Variants in TBC1D12 observed in about 807,000 individuals in gnomAD.
The protein encoded by TBC1D12 is TBC1 domain family, member 12.
A neutral mutation model predicts 86.7 loss-of-function variants in TBC1D12; 56 were observed. The ratio of observed to expected loss-of-function variants is 0.65; its 90% CI spans 0.52 to 0.81. TBC1D12 has a LOEUF of 0.81. Among genes scored for constraint, TBC1D12 ranks in the 30% least tolerant of loss-of-function variants. TBC1D12 has a pLI of 0.00. For missense variants in TBC1D12, 1,023 were observed against 1,038.8 expected (o/e 0.98, Z 0.21); for synonymous variants, 421 against 411.7 (o/e 1.02, Z -0.27).
At chr10:94,458,252 G>A (rs571743807) in intron 2 of TBC1D12, among the ~76,000 whole-genome samples, 15 of 152,146 alleles carry the variant, frequency 9.9e-5, no homozygotes, top group Admixed American at 2.0e-4. Flanking sequence ...TTTATAAGAA[G>A]AGGAAAGCAA....
chr10:94,437,633 C>T (rs1026253173), intron 1 of TBC1D12, among the ~76,000 whole-genome samples: 2 of 152,016 alleles, frequency 1.3e-5, no homozygotes, highest in Admixed American at 6.6e-5. Context: ...TTGTCTTTCC[C>T]TTCTCCTTGG....
chr10:94,488,906 C>A (rs961696100), intron 3 of TBC1D12, among the ~76,000 whole-genome samples: 1 of 151,350 alleles, frequency 6.6e-6, no homozygotes, highest in African/African-American at 2.5e-5. Context: ...CCTTCTTTCT[C>A]CTCTCCTCAA....
chr10:94,432,250 A>G (rs1280808527), intron 1 of TBC1D12, among the ~76,000 whole-genome samples: 1 of 152,126 alleles, frequency 6.6e-6, no homozygotes, highest in Non-Finnish European at 1.5e-5. Context: ...CTAACAGTAG[A>G]TCGCGAGACA....
intron 1 of TBC1D12, among the ~76,000 whole-genome samples, chr10:94,417,470 A>G (rs2055014237): frequency 6.6e-6 from 1 of 152,238 alleles, no homozygotes; most frequent in African/African-American, 2.4e-5. Context: ...TATGCTTACC[A>G]TATTTTGTAA....
intron 1 of TBC1D12, among the ~76,000 whole-genome samples, chr10:94,429,993 C>T (rs532742681): frequency 5.9e-5 from 9 of 152,304 alleles, no homozygotes; most frequent in African/African-American, 2.2e-4. Context: ...GCCTTGGCCT[C>T]TCAAAGTGCT....
At chr10:94,459,592 G>C (rs185169265) in intron 2 of TBC1D12, among the ~76,000 whole-genome samples, 10 of 152,332 alleles carry the variant, frequency 6.6e-5, no homozygotes, top group Admixed American at 6.5e-4. Flanking sequence ...CCCACCAGGG[G>C]GGTTGGGGGG....
chr10:94,498,773 G>GT (rs1490044016), intron 5 of TBC1D12, among the ~76,000 whole-genome samples: 2 of 150,626 alleles, frequency 1.3e-5, no homozygotes, highest in African/African-American at 4.9e-5. Flanking sequence ...GTTTTTTGAG[G>GT]GTTTTTTTTT....
chr10:94,403,669 G>A, intron 1 of TBC1D12, 85 bp downstream of exon 1: 1 of 1,387,886 alleles, frequency 7.2e-7, no homozygotes, highest in Non-Finnish European at 9.3e-7. Flanking sequence ...AGCCGGAGCC[G>A]GAGCCGGAGC....
At chr10:94,430,262 T>C (rs1251307858) in intron 1 of TBC1D12, among the ~76,000 whole-genome samples, 1 of 152,208 alleles carries the variant, frequency 6.6e-6, no homozygotes, top group Non-Finnish European at 1.5e-5. Flanking sequence ...AATAGTCAAA[T>C]TGATGTAAAT....
chr10:94,429,019 TAATAAA>T (rs1427231041), intron 1 of TBC1D12, among the ~76,000 whole-genome samples: 1 of 152,178 alleles, frequency 6.6e-6, no homozygotes, highest in East Asian at 1.9e-4. Flanking sequence ...GATTGACTCT[TAATAAA>T]GAACTCTGAC....
At chr10:94,480,095 G>A (rs2056054337) in intron 3 of TBC1D12, among the ~76,000 whole-genome samples, 1 of 152,138 alleles carries the variant, frequency 6.6e-6, no homozygotes, top group African/African-American at 2.4e-5. Context: ...GTAACATTTT[G>A]GGTCTCTTGC....
intron 3 of TBC1D12, among the ~76,000 whole-genome samples, chr10:94,485,718 T>G (rs1161629208): frequency 6.6e-6 from 1 of 152,070 alleles, no homozygotes; most frequent in African/African-American, 2.4e-5. Flanking sequence ...AGTGAAGTCA[T>G]CAGGTCTTGG....
chr10:94,407,036 A>AATCT (rs2054862649), intron 1 of TBC1D12, among the ~76,000 whole-genome samples: 1 of 151,028 alleles, frequency 6.6e-6, no homozygotes, highest in South Asian at 2.1e-4. Flanking sequence ...ATTAGGCAAA[A>AATCT]ATCTATACGA....
chr10:94,446,121 G>T (rs543738048), intron 2 of TBC1D12, among the ~76,000 whole-genome samples: 2 of 152,116 alleles, frequency 1.3e-5, no homozygotes, highest in East Asian at 3.9e-4. Context: ...TATAGTAATG[G>T]TAAATTTACA....
chr10:94,505,287 A>G (rs192119680), intron 6 of TBC1D12, among the ~76,000 whole-genome samples: 8 of 152,324 alleles, frequency 5.3e-5, no homozygotes, highest in African/African-American at 1.9e-4. Flanking sequence ...GGCATAAATA[A>G]TAGGAATTTT....
chr10:94,433,830 AT>A (rs573466107), intron 1 of TBC1D12, among the ~76,000 whole-genome samples: 37 of 152,254 alleles, frequency 2.4e-4, no homozygotes, highest in Admixed American at 4.6e-4. Flanking sequence ...TGCTTTAATA[AT>A]TTATACATGT....
intron 2 of TBC1D12, among the ~76,000 whole-genome samples, chr10:94,443,868 T>C (rs1298080590): frequency 2.0e-5 from 3 of 152,172 alleles, no homozygotes; most frequent in Non-Finnish European, 4.4e-5. Context: ...TGGTAATTAA[T>C]TGCGGTTATT....
chr10:94,514,034 A>C (rs1353299613), intron 9 of TBC1D12, among the ~76,000 whole-genome samples: 1 of 141,432 alleles, frequency 7.1e-6, no homozygotes, highest in Admixed American at 7.1e-5. Flanking sequence ...TTGTGTAATA[A>C]ATCTCAAAAA....
chr10:94,530,136 A>G (rs1243683926), intron 11 of TBC1D12, among the ~76,000 whole-genome samples: 16 of 152,184 alleles, frequency 1.1e-4, no homozygotes. Flanking sequence ...CCCCATCAGC[A>G]CTACCTCAAA....
Sources: allele counts gnomAD v4.1 joint callset (sites outside exome capture counted in the v4.1 genomes callset), GRCh38; gene constraint gnomAD v4.1.1; transcripts MANE v1.5; gene names NCBI Gene and HGNC (gene_info 2026-07-23, HGNC 2026-07-21).